CFAP210: variants seen among roughly 807,000 people sequenced by gnomAD.
CFAP210 encodes cilia- and flagella- associated protein 210.
At chr2:169,684,987 A>C in the CFAP210 span, among the ~76,000 whole-genome samples, 2 of 152,144 alleles carry the variant, frequency 1.3e-5, no homozygotes, top group African/African-American at 4.8e-5. Context: ...GTAATATTCC[A>C]TTCTATAGAA....
At chr2:169,692,442 A>ACGCGCGCACGCG in the CFAP210 span, among the ~76,000 whole-genome samples, 3 of 106,938 alleles carry the variant, frequency 2.8e-5, no homozygotes, top group Non-Finnish European at 6.1e-5. Context: ...CAACAGGCGC[A>ACGCGCGCACGCG]CGCACACACA....
chr2:169,654,870 C>T, the CFAP210 span, among the ~76,000 whole-genome samples: 1 of 151,952 alleles, frequency 6.6e-6, no homozygotes, highest in Non-Finnish European at 1.5e-5. Flanking sequence ...CACAGTGTAG[C>T]GAGCGTCCTT....
chr2:169,647,954 G>C, the CFAP210 span, among the ~76,000 whole-genome samples: 1 of 151,892 alleles, frequency 6.6e-6, no homozygotes, highest in Non-Finnish European at 1.5e-5. Flanking sequence ...TCAGGAGTTC[G>C]AGACCAGCCT....
At chr2:169,654,055 TAC>T in the CFAP210 span, 23 of 1,594,202 alleles carry the variant, frequency 1.4e-5, no homozygotes, top group South Asian at 2.5e-4. Flanking sequence ...TACTTTATTA[TAC>T]ACATTATTAA....
At chr2:169,667,261 C>A in the CFAP210 span, among the ~76,000 whole-genome samples, 1 of 151,744 alleles carries the variant, frequency 6.6e-6, no homozygotes, top group Non-Finnish European at 1.5e-5. Context: ...GCCTCAGCCT[C>A]CTGAGTAGCT....
At chr2:169,646,347 A>G in the CFAP210 span, among the ~76,000 whole-genome samples, 2 of 152,320 alleles carry the variant, frequency 1.3e-5, no homozygotes, top group African/African-American at 4.8e-5. Context: ...AATCTTTCCT[A>G]TCATGCTCAA....
At chr2:169,651,544 G>C in the CFAP210 span, among the ~76,000 whole-genome samples, 1 of 151,726 alleles carries the variant, frequency 6.6e-6, no homozygotes, top group Non-Finnish European at 1.5e-5. Flanking sequence ...TTAGTAGAGA[G>C]GGAGTTTCAC....
chr2:169,652,296 T>C, the CFAP210 span, among the ~76,000 whole-genome samples: 4 of 152,064 alleles, frequency 2.6e-5, no homozygotes, highest in Non-Finnish European at 2.9e-5. Context: ...GAAAATGATA[T>C]GGACAAATGA....
At chr2:169,646,058 A>C in the CFAP210 span, 1 of 1,613,940 alleles carries the variant, frequency 6.2e-7, no homozygotes. Context: ...TTCCGATTCA[A>C]GTTCAATTAC....
the CFAP210 span, among the ~76,000 whole-genome samples, chr2:169,648,721 C>T: frequency 6.6e-6 from 1 of 152,158 alleles, no homozygotes; most frequent in Non-Finnish European, 1.5e-5. Context: ...TGCTTGCATA[C>T]ATTGCTGGTA....
chr2:169,654,013 A>C, the CFAP210 span: 1 of 1,457,606 alleles, frequency 6.9e-7, no homozygotes, highest in Middle Eastern at 1.8e-4. Context: ...CTACTGTCAT[A>C]ATAATCATAA....
the CFAP210 span, among the ~76,000 whole-genome samples, chr2:169,671,875 T>C: frequency 6.6e-6 from 1 of 152,232 alleles, no homozygotes; most frequent in Non-Finnish European, 1.5e-5. Flanking sequence ...TATGAATGAA[T>C]GAAGGAATAT....
chr2:169,691,517 C>G, the CFAP210 span, among the ~76,000 whole-genome samples: 3 of 152,106 alleles, frequency 2.0e-5, no homozygotes, highest in Admixed American at 6.6e-5. Context: ...TAGACATCCT[C>G]CCCGCCACTT....
chr2:169,658,726 T>G, the CFAP210 span: 142,917 of 311,992 alleles, frequency 0.46, 33,945 homozygotes, highest in Middle Eastern at 0.53. Context: ...TGTTATTGCA[T>G]CATGGATTTA....
chr2:169,681,665 A>G, the CFAP210 span, among the ~76,000 whole-genome samples: 1 of 152,196 alleles, frequency 6.6e-6, no homozygotes, highest in East Asian at 1.9e-4. Flanking sequence ...ACCTCTTCCC[A>G]CTGAGCAGCA....
chr2:169,680,518 T>C, the CFAP210 span, among the ~76,000 whole-genome samples: 366 of 152,370 alleles, frequency 2.4e-3, no homozygotes, highest in African/African-American at 8.4e-3. Flanking sequence ...AACGTTTCAT[T>C]GATGTCAACC....
the CFAP210 span, among the ~76,000 whole-genome samples, chr2:169,691,216 A>G: frequency 6.6e-6 from 1 of 152,040 alleles, no homozygotes; most frequent in South Asian, 2.1e-4. Flanking sequence ...TAATTTTTTA[A>G]TTCAGTTATT....
At chr2:169,686,960 C>A in the CFAP210 span, among the ~76,000 whole-genome samples, 1 of 152,138 alleles carries the variant, frequency 6.6e-6, no homozygotes, top group Non-Finnish European at 1.5e-5. Flanking sequence ...CTGGGGAGGC[C>A]TCAGAATCAT....
At chr2:169,690,862 G>A in the CFAP210 span, among the ~76,000 whole-genome samples, 1 of 152,106 alleles carries the variant, frequency 6.6e-6, no homozygotes, top group Middle Eastern at 3.2e-3. Context: ...TGATCATGAT[G>A]TGTACAGCTG....
Sources: gnomAD v4.1 joint callset for allele counts (sites outside exome capture counted in the v4.1 genomes callset) on GRCh38, gnomAD v4.1.1 for gene constraint, MANE v1.5 for transcripts, NCBI Gene and HGNC (gene_info 2026-07-23, HGNC 2026-07-21) for gene names.